The following SGCZ variants were observed in gnomAD, a reference collection of about 807,000 sequenced individuals.
The protein encoded by SGCZ is sarcoglycan zeta.
Under a neutral mutation model 41.3 loss-of-function variants are expected in SGCZ, and 40 were observed. The ratio of observed to expected loss-of-function variants is 0.97; its 90% CI spans 0.75 to 1.26. The LOEUF (loss-of-function observed/expected upper bound fraction) is 1.26, where lower values mean the gene tolerates loss of function less well. Ranked by LOEUF, SGCZ falls within the 50% of genes most tolerant of loss-of-function variation. The pLI is 0.00. For synonymous variants in SGCZ, 206 were observed against 137.5 expected, an observed-to-expected ratio of 1.50 and a Z score of -3.49; for missense variants, 552 against 369.8, an observed-to-expected ratio of 1.49 and a Z score of -4.04.
chr8:14,536,821 C>G (rs1403154847), intron 2 of SGCZ, among the ~76,000 whole-genome samples: 1 of 151,802 alleles, frequency 6.6e-6, no homozygotes, highest in Middle Eastern at 3.4e-3. Context: ...GATATAAGTG[C>G]CACAAAAAAG....
At chr8:14,532,622 C>T (rs1201698545) in intron 2 of SGCZ, among the ~76,000 whole-genome samples, 2 of 145,718 alleles carry the variant, frequency 1.4e-5, no homozygotes, top group African/African-American at 5.1e-5. Flanking sequence ...TAAGAGGAAA[C>T]TATCACCATC....
At chr8:14,607,439 T>C (rs1246332437) in intron 1 of SGCZ, among the ~76,000 whole-genome samples, 2 of 152,198 alleles carry the variant, frequency 1.3e-5, no homozygotes, top group African/African-American at 4.8e-5. Flanking sequence ...AATTAGGTAA[T>C]TCAATACTAG....
intron 1 of SGCZ, among the ~76,000 whole-genome samples, chr8:14,880,371 C>G (rs892011516): frequency 6.6e-6 from 1 of 152,132 alleles, no homozygotes; most frequent in East Asian, 1.9e-4. Context: ...TAAACTAGTT[C>G]AACCATTGTG....
At chr8:14,486,988 T>C (rs1448802946) in intron 2 of SGCZ, among the ~76,000 whole-genome samples, 2 of 152,174 alleles carry the variant, frequency 1.3e-5, no homozygotes, top group Non-Finnish European at 2.9e-5. Context: ...GACTATGTTG[T>C]CTGAAACATG....
intron 1 of SGCZ, among the ~76,000 whole-genome samples, chr8:15,094,100 G>C (rs1031448846): frequency 6.6e-6 from 1 of 151,926 alleles, no homozygotes; most frequent in Admixed American, 6.6e-5. Context: ...GGGATGGAGA[G>C]TGATACGGCA....
chr8:14,775,460 AGTGTGT>A (rs71739993), intron 1 of SGCZ, among the ~76,000 whole-genome samples: 20,540 of 148,858 alleles, frequency 0.14, 1,463 homozygotes, highest in Middle Eastern at 0.16. Flanking sequence ...AGAATATTTG[AGTGTGT>A]GTGTGTGTGT....
At chr8:14,797,317 G>C (rs976391191) in intron 1 of SGCZ, among the ~76,000 whole-genome samples, 1 of 152,096 alleles carries the variant, frequency 6.6e-6, no homozygotes, top group African/African-American at 2.4e-5. Flanking sequence ...CAGTGATATG[G>C]ACAATGAAGC....
At chr8:14,701,518 C>A (rs1234310313) in intron 1 of SGCZ, among the ~76,000 whole-genome samples, 1 of 151,956 alleles carries the variant, frequency 6.6e-6, no homozygotes, top group African/African-American at 2.4e-5. Flanking sequence ...TGAAAACAAC[C>A]AGCAATCACT....
chr8:15,041,382 T>C (rs537950857), intron 1 of SGCZ, among the ~76,000 whole-genome samples: 2 of 152,138 alleles, frequency 1.3e-5, no homozygotes, highest in South Asian at 2.1e-4. Context: ...CATTTTAAAG[T>C]ACACATAGTC....
At chr8:14,926,639 G>A (rs534072789) in intron 1 of SGCZ, among the ~76,000 whole-genome samples, 1 of 148,182 alleles carries the variant, frequency 6.7e-6, no homozygotes, top group South Asian at 2.2e-4. Context: ...TTTTCCGTGT[G>A]TGTGGTTTTT....
intron 3 of SGCZ, among the ~76,000 whole-genome samples, chr8:14,316,747 G>T (rs1022654742): frequency 1.3e-5 from 2 of 150,314 alleles, no homozygotes; most frequent in African/African-American, 2.4e-5. Flanking sequence ...TTCATTCCAC[G>T]GAAATCTTAT....
chr8:15,098,747 T>C (rs975503624), intron 1 of SGCZ, among the ~76,000 whole-genome samples: 1 of 152,150 alleles, frequency 6.6e-6, no homozygotes, highest in African/African-American at 2.4e-5. Flanking sequence ...CTTGATCAAA[T>C]ACATGAATGA....
intron 2 of SGCZ, among the ~76,000 whole-genome samples, chr8:14,385,155 C>T (rs942527739): frequency 3.9e-5 from 6 of 152,048 alleles, no homozygotes; most frequent in South Asian, 2.1e-4. Flanking sequence ...AATGCTCTCA[C>T]GATAGGGGAT....
intron 5 of SGCZ, among the ~76,000 whole-genome samples, chr8:14,116,859 T>G (rs1197192378): frequency 1.3e-5 from 2 of 152,140 alleles, no homozygotes; most frequent in Admixed American, 6.6e-5. Context: ...TAATGAAGTT[T>G]CTACAGCAAG....
At chr8:14,186,876 T>A (rs1804921851) in intron 4 of SGCZ, among the ~76,000 whole-genome samples, 1 of 152,208 alleles carries the variant, frequency 6.6e-6, no homozygotes, top group South Asian at 2.1e-4. Flanking sequence ...AAGAGACAGT[T>A]AAGAGCTCTG....
intron 1 of SGCZ, among the ~76,000 whole-genome samples, chr8:14,570,666 A>G (rs1013474956): frequency 1.6e-4 from 25 of 152,214 alleles, no homozygotes; most frequent in African/African-American, 5.5e-4. Context: ...AATTTAAATC[A>G]GAGAACAAAG....
chr8:14,281,149 AT>A (rs573118763), intron 3 of SGCZ, among the ~76,000 whole-genome samples: 57 of 152,104 alleles, frequency 3.7e-4, no homozygotes, highest in Non-Finnish European at 5.6e-4. Flanking sequence ...TTTTAAAAAA[AT>A]GAATGAATTC....
intron 7 of SGCZ, among the ~76,000 whole-genome samples, chr8:14,091,069 A>C (rs1801675204): frequency 6.6e-6 from 1 of 151,820 alleles, no homozygotes; most frequent in Non-Finnish European, 1.5e-5. Flanking sequence ...TCCCACTTAC[A>C]AGTGAGAACA....
intron 1 of SGCZ, among the ~76,000 whole-genome samples, chr8:15,179,733 G>A (rs1800108717): frequency 6.6e-6 from 1 of 152,152 alleles, no homozygotes. Context: ...AAGTAATTCT[G>A]CCAATTTAAT....
Sources: allele counts gnomAD v4.1 joint callset (sites outside exome capture counted in the v4.1 genomes callset), GRCh38; gene constraint gnomAD v4.1.1; transcripts MANE v1.5; gene names NCBI Gene and HGNC (gene_info 2026-07-23, HGNC 2026-07-21).